IDH2: variants seen among roughly 807,000 people sequenced by gnomAD.
IDH2 encodes the protein isocitrate dehydrogenase (NADP(+)) 2, also known as isocitrate dehydrogenase [NADP], mitochondrial.
Under a neutral mutation model 50.5 loss-of-function variants are expected in IDH2, and 18 were observed. That is an observed-to-expected ratio of 0.36 (90% CI 0.25 to 0.53). The LOEUF (loss-of-function observed/expected upper bound fraction) is 0.53, where lower values mean the gene tolerates loss of function less well. Among genes scored for constraint, IDH2 ranks in the 20% least tolerant of loss-of-function variants. IDH2 has a pLI of 0.92. For missense variants in IDH2, 518 were observed against 610.7 expected (o/e 0.85, Z 1.60); for synonymous variants, 280 against 239.8 (o/e 1.17, Z -1.55).
At chr15:90,094,230 T>C (rs1428530317) in intron 1 of IDH2, among the ~76,000 whole-genome samples, 16 of 152,080 alleles carry the variant, frequency 1.1e-4, no homozygotes, top group Non-Finnish European at 2.4e-4. Context: ...CCCAACAGTC[T>C]GGGAAGTGAA....
At position 90,085,869 on chromosome 15, in the gene IDH2, C is replaced by T. The variant is rs549819862; in HGVS notation, c.968-482G>A. ...GAATGCTCCCAAATCCACATGTCAA[C>T]TCCAGCAAGCTTTTCTATTGTCAAG... On this transcript the variant is annotated intron_variant, in intron 7 of 10. Coordinates refer to ENST00000330062, the MANE Select transcript of IDH2 (RefSeq NM_002168.4). This position sits in a 1 kb window ranked among gnomAD's most constrained non-coding sequence, Gnocchi z 5.5. Among the ~76,000 whole-genome samples the T allele has an allele frequency of 6.6e-6, 1 of 152,348 alleles. No individual in the cohort carries two copies. The highest frequency in any genetic ancestry group is 2.1e-4 in the South Asian group (1 of 4,830).
chr15:90,091,493 G>A, intron 2 of IDH2, 60 bp downstream of exon 2: 2 of 1,327,334 alleles, frequency 1.5e-6, no homozygotes, highest in African/African-American at 1.4e-5. Context: ...GACCCTGTGG[G>A]ACAGAACAAT....
intron 1 of IDH2, among the ~76,000 whole-genome samples, chr15:90,097,731 T>A (rs1321212842): frequency 1.3e-5 from 2 of 152,198 alleles, no homozygotes. Flanking sequence ...GACAAAGTTC[T>A]GGTGATGGAT....
intron 7 of IDH2, among the ~76,000 whole-genome samples, chr15:90,086,176 G>T (rs544934670): frequency 8.5e-5 from 13 of 152,196 alleles, no homozygotes; most frequent in African/African-American, 3.1e-4. Context: ...AAAGCCAAAG[G>T]TTTACACAAA....
chr15:90,096,907 C>T (rs562665981), intron 1 of IDH2, among the ~76,000 whole-genome samples: 34 of 151,834 alleles, frequency 2.2e-4, no homozygotes, highest in African/African-American at 7.0e-4. Context: ...GAGAGCAAGA[C>T]TCCGTCTCGA....
rs780131378 is a variant in IDH2 at position 90,087,524 on chromosome 15, A to G, written c.730T>C (p.Trp244Arg). ...SCFQYAIQKK[W>R]PLYMSTKNTI... ...TTCTTGGTGCTCATGTACAGCGGCC[A>G]TTTCTTCTGGATGGCATACTGGAAG... Residue 244 changes from tryptophan to arginine, a missense_variant, in exon 6 of 11, where the codon TGG becomes CGG. Transcript: ENST00000330062. 1.2e-5 allele frequency: 19 copies of G among 1,613,960 alleles called. No individual in the cohort carries two copies. The highest frequency in any genetic ancestry group is 1.5e-5 in the Non-Finnish European group (18 of 1,180,040).
At chr15:90,087,873 G>C in intron 5 of IDH2, among the ~76,000 whole-genome samples, 1 of 149,980 alleles carries the variant, frequency 6.7e-6, no homozygotes, top group East Asian at 2.0e-4. Flanking sequence ...ATGTGGCTGG[G>C]GCAGGGCTAA....
intron 1 of IDH2, among the ~76,000 whole-genome samples, chr15:90,095,563 C>G (rs1901162031): frequency 6.6e-6 from 1 of 152,024 alleles, no homozygotes; most frequent in Non-Finnish European, 1.5e-5. Flanking sequence ...TCAGCCTGGG[C>G]TCCACGGTTG....
In IDH2 at chr15:90,083,119, A is replaced by ATTTTTTTTTTTTTTTT. The variant is rs59583363; in HGVS notation, c.*1131_*1146dup. 1.6e-5 allele frequency: 1 copy of ATTTTTTTTTTTTTTTT among 62,704 alleles called. No individual in the cohort carries two copies. Among genetic ancestry groups the ATTTTTTTTTTTTTTTT allele is most frequent in the African/African-American group, 6.1e-5 (1 of 16,526 alleles). 3.9% of individuals were successfully genotyped at this position (62,704 alleles called of 1,614,324 possible). On this transcript the variant is annotated 3_prime_UTR_variant, in exon 11 of 11. Transcript: ENST00000330062. ...GGGGCTAAAAAACTTGCATAGAGCA[A>ATTTTTTTTTTTTTTTT]TTTTTTTTTTTTTTTTTTTTTTTTT...
At chr15:90,097,361 T>C (rs990853206) in intron 1 of IDH2, among the ~76,000 whole-genome samples, 2 of 152,196 alleles carry the variant, frequency 1.3e-5, no homozygotes, top group African/African-American at 4.8e-5. Context: ...TCTGTATGTA[T>C]AGGAAAAAAA....
At chr15:90,087,946 C>T (rs568366715) in intron 5 of IDH2, among the ~76,000 whole-genome samples, 1 of 151,874 alleles carries the variant, frequency 6.6e-6, no homozygotes, top group East Asian at 1.9e-4. Flanking sequence ...AAGCCTTTCT[C>T]CCCAGGGCCT....
Position 90,087,672 on chromosome 15 carries a change from G to T in IDH2, c.679-97C>A, listed in dbSNP as rs552868601. On this transcript the variant is annotated intron_variant, in intron 5 of 10. Transcript: ENST00000330062. ...GGGCAAGGCCCAGCTCTCCAGGAACGGTACCCCGCCGCCCACGCGACTGTT... is the reference window on the plus strand; with the variant it reads ...GGGCAAGGCCCAGCTCTCCAGGAACTGTACCCCGCCGCCCACGCGACTGTT... The T allele has an allele frequency of 4.1e-4, 583 of 1,424,012 alleles. 1 individual carries two copies. The highest frequency in any genetic ancestry group is 5.1e-4 in the Non-Finnish European group (514 of 1,012,800). 88.2% of individuals were successfully genotyped at this position (1,424,012 alleles called of 1,614,324 possible). A position where few individuals can be genotyped will look rare whatever the true frequency, so the allele number is the denominator to read the frequency against.
At chr15:90,099,894 A>G (rs1901284981) in intron 1 of IDH2, among the ~76,000 whole-genome samples, 1 of 152,138 alleles carries the variant, frequency 6.6e-6, no homozygotes, top group Non-Finnish European at 1.5e-5. Flanking sequence ...CTCTATCCCC[A>G]GCACCCGGCA....
Position 90,083,855 on chromosome 15 carries a change from C to T in IDH2, c.*411G>A. 1 of 306,134 alleles carries T rather than the reference C, an allele frequency of 3.3e-6. No homozygotes were observed. The highest frequency in any genetic ancestry group is 6.2e-6 in the Non-Finnish European group (1 of 160,872). The allele number at this position is 306,134 out of a possible 1,614,324, so 19.0% of individuals were successfully genotyped here. On this transcript the variant is annotated 3_prime_UTR_variant, in exon 11 of 11. Coordinates refer to ENST00000330062, the MANE Select transcript of IDH2 (RefSeq NM_002168.4). ...GCTCCCAGGGCTGCCTGGTCCCTTCCCTGCCGTGGCAGCCCCTTCCTGAGG... is the reference window on the plus strand; with the variant it reads ...GCTCCCAGGGCTGCCTGGTCCCTTCTCTGCCGTGGCAGCCCCTTCCTGAGG...
At chr15:90,095,117 T>C (rs1369982292) in intron 1 of IDH2, among the ~76,000 whole-genome samples, 1 of 151,656 alleles carries the variant, frequency 6.6e-6, no homozygotes, top group Non-Finnish European at 1.5e-5. Flanking sequence ...TTAGGGGGAA[T>C]AATGAGACTC....
intron 5 of IDH2, among the ~76,000 whole-genome samples, chr15:90,088,015 G>A (rs62019177): frequency 0.36 from 54,055 of 151,802 alleles, 10,811 homozygotes; most frequent in Non-Finnish European, 0.46. Context: ...TGGAACTGGG[G>A]ATAAAGAGGC....
At chr15:90,093,731 T>A (rs535707745) in intron 1 of IDH2, among the ~76,000 whole-genome samples, 237 of 152,320 alleles carry the variant, frequency 1.6e-3, no homozygotes, top group Middle Eastern at 3.4e-3. Context: ...GCGATTCTGC[T>A]GTCTCAGCTT....
rs190078206 is a variant in IDH2, at chr15:90,085,317, G to A, written c.1038C>T (p.Ala346=). Reference sequence around the variant, plus strand: ...AGTGGCGGGTGACGGTCCCATGAGCGGCCTCAGCCTCAATCGTCTTCCCAT... The same window carrying A: ...AGTGGCGGGTGACGGTCCCATGAGCAGCCTCAGCCTCAATCGTCTTCCCAT... ...CPDGKTIEAE[A]AHGTVTRHYR... is the part of the protein sequence containing the mutation. Residue 346 remains alanine, a synonymous_variant, in exon 8 of 11, where the codon GCC becomes GCT. Coordinates refer to ENST00000330062, the MANE Select transcript of IDH2 (RefSeq NM_002168.4). The surrounding 1 kb of genome is among the most constrained non-coding windows in gnomAD (Gnocchi z 5.5). 4.7e-4 allele frequency: 726 copies of A among 1,552,396 alleles called. 5 individuals are homozygous for A. The East Asian group carries it at 0.01, about 22-fold the overall frequency.
intron 2 of IDH2, 107 bp downstream of exon 2, chr15:90,091,446 G>C: frequency 1.3e-6 from 1 of 776,968 alleles, no homozygotes; most frequent in Non-Finnish European, 2.2e-6. Flanking sequence ...CTGCCTACCA[G>C]GACAACGGGG....
Sources: gnomAD v4.1 joint callset for allele counts (sites outside exome capture counted in the v4.1 genomes callset) on GRCh38, gnomAD v4.1.1 for gene constraint, Gnocchi (gnomAD v3.1) non-coding constraint, MANE v1.5 for transcripts, NCBI Gene and HGNC (gene_info 2026-07-23, HGNC 2026-07-21) for gene names.